The following RTN2 variants were observed in gnomAD, a reference collection of about 807,000 sequenced individuals.
RTN2 encodes reticulon-2.
Under a neutral mutation model 63.7 loss-of-function variants are expected in RTN2, and 36 were observed. That is an observed-to-expected ratio of 0.56 (90% confidence interval 0.43 to 0.75). The LOEUF is 0.75. RTN2 is among the 30% of genes least tolerant of loss of function. RTN2 has a pLI of 0.00. For synonymous variants in RTN2, 312 were observed against 313.0 expected (o/e 1.00, Z 0.03); for missense variants, 673 against 705.1 (o/e 0.95, Z 0.52).
chr19:45,485,449 T>G lies in RTN2; in HGVS notation c.*259A>C. On this transcript the variant is annotated 3_prime_UTR_variant, in exon 11 of 11. Transcript: ENST00000245923. ...TCCGGAAGTGCAGGGTGGTGCCCTGTCTAGGCAACTACAAGTCCCAGCAGG... is the reference window on the plus strand; with the variant it reads ...TCCGGAAGTGCAGGGTGGTGCCCTGGCTAGGCAACTACAAGTCCCAGCAGG... 1.9e-6 allele frequency: 1 copy of G among 528,838 alleles called. No homozygotes were observed. The highest frequency in any genetic ancestry group is 3.4e-6 in the Non-Finnish European group (1 of 292,698). The allele number at this position is 528,838 out of a possible 1,614,324, so 32.8% of individuals were successfully genotyped here. A position where few individuals can be genotyped will look rare whatever the true frequency, so the allele number is the denominator to read the frequency against.
Position 45,489,436 on chromosome 19 carries a change from G to A in RTN2, c.1151C>T (p.Ala384Val). ...GATGGTGCCGCAGAGCAGCAACAGA[G>A]CCAAGTGCGCGGCCACGGACACGAT... ...FSIVSVAAHL[A>V]LLLLCGTISL... Residue 384 changes from alanine to valine, a missense_variant, in exon 6 of 11, where the codon GCT becomes GTT. Physicochemically the swap from Ala to Val is moderately conservative, Grantham distance 64. Coordinates refer to ENST00000245923, the MANE Select transcript of RTN2 (RefSeq NM_005619.5). The A allele has an allele frequency of 6.2e-7, 1 of 1,611,110 alleles. No individual in the cohort carries two copies. Among genetic ancestry groups the A allele is most frequent in the Non-Finnish European group, 8.5e-7 (1 of 1,178,780 alleles).
intron 5 of RTN2, among the ~76,000 whole-genome samples, chr19:45,492,434 A>T (rs1035351905): frequency 1.3e-5 from 2 of 152,146 alleles, no homozygotes; most frequent in African/African-American, 4.8e-5. Flanking sequence ...ACTACTTGGG[A>T]GGCTGAGGTG....
At chr19:45,490,237 T>C (rs546561662) in intron 5 of RTN2, among the ~76,000 whole-genome samples, 1 of 152,062 alleles carries the variant, frequency 6.6e-6, no homozygotes, top group South Asian at 2.1e-4. Context: ...CCTGACCTCG[T>C]GGTCCACCCG....
At position 45,493,346 on chromosome 19, in the gene RTN2, G is replaced by A; in HGVS notation, c.847C>T (p.Leu283Phe). The A allele has an allele frequency of 6.2e-7, 1 of 1,610,162 alleles. No individual in the cohort carries two copies. ...GGAACCGTCTTGTAAACAGCCAAAAGCAATGATGTCTTTAACCATTCCATA... is the reference window on the plus strand; with the variant it reads ...GGAACCGTCTTGTAAACAGCCAAAAACAATGATGTCTTTAACCATTCCATA... ...TAMEWLKTSL[L>F]LAVYKTVPIL... is the part of the protein sequence containing the mutation. Residue 283 changes from leucine (L) to phenylalanine (F), a missense_variant, in exon 5 of 11, where the codon CTT (leucine) becomes TTT (phenylalanine). Transcript: ENST00000245923.
intron 5 of RTN2, 100 bp downstream of exon 5, chr19:45,493,060 G>T: frequency 1.7e-6 from 2 of 1,168,682 alleles, no homozygotes; most frequent in Non-Finnish European, 2.6e-6. Flanking sequence ...TGCGGAAGCA[G>T]ATCAGTAATA....
In RTN2 at chr19:45,489,488, A is replaced by C; in HGVS notation, c.1099T>G (p.Ser367Ala). Residue 367 changes from serine (S) to alanine (A), a missense_variant, in exon 6 of 11, where the codon TCC (serine) becomes GCC (alanine). Physicochemically the swap from Ser to Ala is moderately conservative, Grantham distance 99. Transcript: ENST00000245923. ...CTAAAGTGCAGGAGGCAGAGGAGGG[A>C]GACCATCAGGCCTGTGAAGACCACT... ...SGVVFTGLMV[S>A]LLCLLHFSIV... 17 of 1,612,712 alleles carry C rather than the reference A, an allele frequency of 1.1e-5. No individual in the cohort carries two copies. Among genetic ancestry groups the C allele is most frequent in the Non-Finnish European group, 1.4e-5 (16 of 1,179,464 alleles).
At chr19:45,489,710 C>T (rs1968112651) in intron 5 of RTN2, among the ~76,000 whole-genome samples, 157 bp from the exon 6 acceptor site, 1 of 139,194 alleles carries the variant, frequency 7.2e-6, no homozygotes, top group South Asian at 2.3e-4. Context: ...GACAGGGTCT[C>T]ACTCTGTCAC....
Position 45,494,812 on chromosome 19 carries a change from G to A in RTN2, c.273C>T (p.Arg91=). ...STARRPRPQG[R]SVSEPRDQHP... The stretch of plus-strand genomic sequence containing the variant: ...GCTGGTCTCGTGGTTCCGAGACTGA[G>A]CGGCCCTGGGGGCGGGGGCGGCGGG... The change falls in exon 3 of 11, where the codon CGC becomes CGT. Residue 91 remains arginine (R), a synonymous_variant. Transcript: ENST00000245923. The surrounding 1 kb of genome is among the most constrained non-coding windows in gnomAD (Gnocchi z 5.3). 1 of 1,603,874 alleles carries A rather than the reference G, an allele frequency of 6.2e-7. No individual in the cohort carries two copies. Among genetic ancestry groups the A allele is most frequent in the Non-Finnish European group, 8.5e-7 (1 of 1,179,824 alleles).
chr19:45,493,531 G>C (rs1252978332), intron 4 of RTN2, among the ~76,000 whole-genome samples, 153 bp from the exon 5 acceptor site: 1 of 152,046 alleles, frequency 6.6e-6, no homozygotes, highest in African/African-American at 2.4e-5. Context: ...TGGCTTCAAA[G>C]GATCCTCCCG....
In RTN2 at chr19:45,494,205, T is replaced by A; in HGVS notation, c.775A>T (p.Thr259Ser). The A allele has an allele frequency of 2.5e-6, 4 of 1,607,810 alleles. No individual in the cohort carries two copies. The highest frequency in any genetic ancestry group is 3.4e-6 in the Non-Finnish European group (4 of 1,179,966). Residue 259 changes from threonine (T) to serine (S), a missense_variant, in exon 4 of 11, where the codon ACG becomes TCG. Coordinates refer to ENST00000245923, the MANE Select transcript of RTN2 (RefSeq NM_005619.5). This position sits in a 1 kb window ranked among gnomAD's most constrained non-coding sequence, Gnocchi z 5.3. Reference protein sequence around the residue: ...EPVRGQCLDSTDQLEFTVEPR... With the variant: ...EPVRGQCLDSSDQLEFTVEPR... ...TCCACCGTGAATTCTAATTGGTCCGTGCTATCGAGGCACTGTCCCCTTACT... is the reference window on the plus strand; with the variant it reads ...TCCACCGTGAATTCTAATTGGTCCGAGCTATCGAGGCACTGTCCCCTTACT...
chr19:45,496,605 G>C, intron 1 of RTN2, 187 bp downstream of exon 1: 1 of 396,672 alleles, frequency 2.5e-6, no homozygotes, highest in South Asian at 8.9e-5. Context: ...GCCCTGTTTC[G>C]TCCAGGTCCT....
chr19:45,492,276 T>A (rs1968176643), intron 5 of RTN2, among the ~76,000 whole-genome samples: 1 of 152,142 alleles, frequency 6.6e-6, no homozygotes, highest in Admixed American at 6.6e-5. Flanking sequence ...CTCATCTGTC[T>A]AAACTTTAGG....
intron 5 of RTN2, among the ~76,000 whole-genome samples, chr19:45,491,795 T>C (rs543308382): frequency 1.3e-5 from 2 of 152,018 alleles, no homozygotes; most frequent in Admixed American, 1.3e-4. Flanking sequence ...CTCCTAAACC[T>C]GGCTAATTTT....
intron 5 of RTN2, among the ~76,000 whole-genome samples, chr19:45,492,487 A>G (rs1380523954): frequency 1.3e-5 from 2 of 152,266 alleles, no homozygotes; most frequent in East Asian, 1.9e-4. Flanking sequence ...GCAGTGAGCT[A>G]TGATCCCACC....
intron 9 of RTN2, among the ~76,000 whole-genome samples, chr19:45,487,422 A>G (rs1327296811): frequency 6.6e-6 from 1 of 151,976 alleles, no homozygotes; most frequent in African/African-American, 2.4e-5. Flanking sequence ...CTGGCAGGGC[A>G]TATTATCATG....
intron 5 of RTN2, among the ~76,000 whole-genome samples, chr19:45,490,485 T>A (rs1968131049): frequency 6.6e-6 from 1 of 151,880 alleles, no homozygotes; most frequent in African/African-American, 2.4e-5. Context: ...GAGTGACTAT[T>A]TCTGAGACAG....
At chr19:45,490,243 A>C (rs1330776326) in intron 5 of RTN2, among the ~76,000 whole-genome samples, 1 of 151,290 alleles carries the variant, frequency 6.6e-6, no homozygotes, top group African/African-American at 2.4e-5. Flanking sequence ...CTCGTGGTCC[A>C]CCCGCCTTGG....
At chr19:45,485,880 C>G in intron 10 of RTN2, 91 bp from the exon 11 acceptor site, 1 of 1,264,342 alleles carries the variant, frequency 7.9e-7, no homozygotes, top group Non-Finnish European at 1.1e-6. Context: ...GGGAAACTGA[C>G]CAAGAGCCCG....
chr19:45,489,445 G>C lies in RTN2; in HGVS notation c.1142C>G (p.Ala381Gly). 6.2e-7 allele frequency: 1 copy of C among 1,612,062 alleles called. No homozygotes were observed. Among genetic ancestry groups the C allele is most frequent in the Non-Finnish European group, 8.5e-7 (1 of 1,179,196 alleles). ...GCAGAGCAGCAACAGAGCCAAGTGC[G>C]CGGCCACGGACACGATGCTAAAGTG... ...LLHFSIVSVA[A>G]HLALLLLCGT... Residue 381 changes from alanine (A) to glycine (G), a missense_variant, in exon 6 of 11, where the codon GCG becomes GGG. Physicochemically the swap from Ala to Gly is moderately conservative, Grantham distance 60. Coordinates refer to ENST00000245923, the MANE Select transcript of RTN2 (RefSeq NM_005619.5).
Sources: gnomAD v4.1 joint callset for allele counts (sites outside exome capture counted in the v4.1 genomes callset) on GRCh38, gnomAD v4.1.1 for gene constraint, Gnocchi (gnomAD v3.1) non-coding constraint, MANE v1.5 for transcripts, NCBI Gene and HGNC (gene_info 2026-07-23, HGNC 2026-07-21) for gene names.